RAD51: variants seen among roughly 807,000 people sequenced by gnomAD.
RAD51 encodes RAD51 recombinase.
RAD51 carries 14 observed loss-of-function variants against 41.5 expected under a neutral mutation model. The observed-to-expected ratio is 0.34, with a 90% CI of 0.22 to 0.53. The LOEUF (loss-of-function observed/expected upper bound fraction) is 0.53, where lower values mean the gene tolerates loss of function less well. Among genes scored for constraint, RAD51 ranks in the 20% least tolerant of loss-of-function variants. The pLI is 0.95. For missense variants in RAD51, 234 were observed against 422.0 expected, an observed-to-expected ratio of 0.55 and a Z score of 3.90; for synonymous variants, 136 against 148.6, an observed-to-expected ratio of 0.92 and a Z score of 0.62.
At chr15:40,718,033 A>G (rs1896070819) in intron 5 of RAD51, among the ~76,000 whole-genome samples, 1 of 152,058 alleles carries the variant, frequency 6.6e-6, no homozygotes, top group African/African-American at 2.4e-5. Context: ...GGAGTTCAAG[A>G]CCAGCCTGGG....
intron 6 of RAD51, among the ~76,000 whole-genome samples, chr15:40,725,417 AT>A: frequency 6.6e-6 from 1 of 152,206 alleles, no homozygotes; most frequent in Non-Finnish European, 1.5e-5. Context: ...TAATTGAATT[AT>A]ATTTCTGAGA....
chr15:40,712,511 C>G (rs945089070), intron 5 of RAD51, among the ~76,000 whole-genome samples: 2 of 152,164 alleles, frequency 1.3e-5, no homozygotes, highest in African/African-American at 4.8e-5. Context: ...ATCTTTTCTG[C>G]AACTTCAGGC....
At chr15:40,704,670 ATTTT>A (rs34658879) in intron 3 of RAD51, among the ~76,000 whole-genome samples, 5 of 133,272 alleles carry the variant, frequency 3.8e-5, no homozygotes, top group African/African-American at 2.8e-5. Flanking sequence ...TGCCCTACTA[ATTTT>A]TTTTTTTTTT....
chr15:40,729,372 CAAAAAAAAAAA>C (rs60375696), intron 7 of RAD51, 122 bp from the exon 8 acceptor site: 11 of 484,224 alleles, frequency 2.3e-5, no homozygotes, highest in Middle Eastern at 1.5e-3. Flanking sequence ...GACTCCATCT[CAAAAAAAAAAA>C]AAAAAAAAAA....
chr15:40,699,221 G>A (rs557962362), intron 2 of RAD51, among the ~76,000 whole-genome samples: 3 of 152,086 alleles, frequency 2.0e-5, no homozygotes, highest in African/African-American at 4.8e-5. Context: ...TCGGCTCACC[G>A]CAACCTCTGC....
At chr15:40,715,287 G>A (rs1895929701) in intron 5 of RAD51, among the ~76,000 whole-genome samples, 1 of 152,146 alleles carries the variant, frequency 6.6e-6, no homozygotes. Context: ...CCTGGGAAGT[G>A]GAGGTTGCAG....
intron 8 of RAD51, 87 bp from the exon 9 acceptor site, chr15:40,729,766 G>A (rs941021417): frequency 9.9e-6 from 16 of 1,611,180 alleles, no homozygotes; most frequent in South Asian, 2.2e-5. Flanking sequence ...TTAGTTATTC[G>A]TTATTTTGTG....
chr15:40,698,667 T>A, intron 1 of RAD51, 90 bp from the exon 2 acceptor site: 1 of 1,281,102 alleles, frequency 7.8e-7, no homozygotes, highest in South Asian at 1.2e-5. Flanking sequence ...TCCTAAAGTC[T>A]TTTTGATACG....
chr15:40,701,761 T>G, intron 3 of RAD51: 1 of 284,278 alleles, frequency 3.5e-6, no homozygotes, highest in South Asian at 3.0e-5. Flanking sequence ...TGAAGTTTTA[T>G]GTAGTATAAA....
chr15:40,727,741 G>T (rs1896658407), intron 6 of RAD51, among the ~76,000 whole-genome samples: 1 of 151,292 alleles, frequency 6.6e-6, no homozygotes, highest in Admixed American at 6.6e-5. Context: ...CTTCATTCTT[G>T]TTTTATTTGG....
At chr15:40,729,670 T>C in intron 8 of RAD51, 36 bp downstream of exon 8, 1 of 1,613,046 alleles carries the variant, frequency 6.2e-7, no homozygotes, top group Non-Finnish European at 8.5e-7. Context: ...ATGCCTACTT[T>C]CAGTGGCTGT....
In RAD51 at chr15:40,731,282, G is replaced by A. The variant is rs774774081; in HGVS notation, c.*104G>A. 134 of 1,505,994 alleles carry A rather than the reference G, an allele frequency of 8.9e-5. 1 individual carries two copies. Among genetic ancestry groups the A allele is most frequent in the Admixed American group, 2.6e-4 (15 of 57,480 alleles). The allele number at this position is 1,505,994 out of a possible 1,614,324, so 93.3% of individuals were successfully genotyped here. ...AGGCCTCTTCCTGTTGTGACTGCCA[G>A]GATAAAGCTTCCGGGAAAACAGCTA... On this transcript the variant is annotated 3_prime_UTR_variant, in exon 10 of 10. Transcript: ENST00000267868.
At chr15:40,700,297 A>G (rs1894900116) in intron 2 of RAD51, among the ~76,000 whole-genome samples, 1 of 152,192 alleles carries the variant, frequency 6.6e-6, no homozygotes, top group Admixed American at 6.6e-5. Context: ...AAGAGGTATA[A>G]AAGTCCCTGA....
rs58738238 is a variant in RAD51 at position 40,709,348 on chromosome 15, C to T, written c.435+232C>T. Among the ~76,000 whole-genome samples, 3,861 of 150,680 alleles carry T rather than the reference C, an allele frequency of 0.026. 162 individuals are homozygous for T. Among genetic ancestry groups the T allele is most frequent in the African/African-American group, 0.09 (3,694 of 40,926 alleles). Reference sequence around the variant, plus strand: ...AATTTCAAATACTTTTGCTACCAGGCCTTTTCCTGGCTTTACTTGCTACTT... The same window carrying T: ...AATTTCAAATACTTTTGCTACCAGGTCTTTTCCTGGCTTTACTTGCTACTT... On this transcript the variant is annotated intron_variant, in intron 5 of 9. Transcript: ENST00000267868.
chr15:40,697,481 A>G (rs531981579), intron 1 of RAD51, among the ~76,000 whole-genome samples: 1 of 152,192 alleles, frequency 6.6e-6, no homozygotes, highest in Admixed American at 6.5e-5. Flanking sequence ...AGTTTCAAGA[A>G]ATCTTTTTCT....
intron 6 of RAD51, among the ~76,000 whole-genome samples, chr15:40,719,763 C>T (rs539469446): frequency 6.6e-6 from 1 of 151,696 alleles, no homozygotes; most frequent in South Asian, 2.1e-4. Context: ...ACCCGGGAGG[C>T]GGAGCTTGCA....
chr15:40,731,134 A>G lies in RAD51; in HGVS notation c.976A>G (p.Met326Val), dbSNP rs755797075. The change falls in exon 10 of 10, where the codon ATG becomes GTG. Residue 326 changes from methionine to valine, a missense_variant. Coordinates refer to ENST00000267868, the MANE Select transcript of RAD51 (RefSeq NM_002875.5). ...TCCCTGTCTTCCTGAAGCTGAAGCT[A>G]TGTTCGCCATTAATGCAGATGGAGT... ...DSPCLPEAEA[M>V]FAINADGVGD... The G allele has an allele frequency of 6.2e-7, 1 of 1,614,094 alleles. No individual in the cohort carries two copies. Among genetic ancestry groups the G allele is most frequent in the Non-Finnish European group, 8.5e-7 (1 of 1,179,998 alleles).
intron 6 of RAD51, among the ~76,000 whole-genome samples, chr15:40,726,001 C>CA (rs561879702): frequency 7.0e-4 from 105 of 149,368 alleles, no homozygotes; most frequent in South Asian, 4.7e-3. Context: ...AACAAAACAA[C>CA]AAAAAAAAAT....
chr15:40,701,066 G>C lies in RAD51; in HGVS notation c.90G>C (p.Gln30His). 6.2e-7 allele frequency: 1 copy of C among 1,614,218 alleles called. No homozygotes were observed. Among genetic ancestry groups the C allele is most frequent in the Non-Finnish European group, 8.5e-7 (1 of 1,180,048 alleles). ...TCCATGGTTTTCTTCATTTGCAGCA[G>C]TGTGGCATAAATGCCAACGATGTGA... ...FGPQPISRLEQCGINANDVKK... is the reference protein window; with the variant it reads ...FGPQPISRLEHCGINANDVKK... The change falls in exon 3 of 10, where the codon CAG becomes CAC. Residue 30 changes from glutamine to histidine, a missense_variant and splice_region_variant. Physicochemically the swap from Gln to His is conservative, Grantham distance 24. Transcript: ENST00000267868.
Sources: allele counts gnomAD v4.1 joint callset (sites outside exome capture counted in the v4.1 genomes callset), GRCh38; gene constraint gnomAD v4.1.1; transcripts MANE v1.5; gene names NCBI Gene and HGNC (gene_info 2026-07-23, HGNC 2026-07-21).